Variants in SMC2 observed in about 807,000 individuals in gnomAD.
SMC2 encodes structural maintenance of chromosomes 2, also known as structural maintenance of chromosomes protein 2.
A neutral mutation model predicts 142.6 loss-of-function variants in SMC2; 41 were observed. That is an observed-to-expected ratio of 0.29 (90% CI 0.22 to 0.37). SMC2 has a LOEUF of 0.37. SMC2 is among the 10% of genes least tolerant of loss of function. The pLI is 1.00. For synonymous variants in SMC2, 463 were observed against 457.5 expected, an observed-to-expected ratio of 1.01 and a Z score of -0.15; for missense variants, 1,265 against 1,373.7, an observed-to-expected ratio of 0.92 and a Z score of 1.25.
chr9:104,105,738 G>C (rs909530708), intron 9 of SMC2, among the ~76,000 whole-genome samples: 4 of 152,116 alleles, frequency 2.6e-5, no homozygotes, highest in African/African-American at 9.7e-5. Context: ...GGGTCTGTTG[G>C]TGTACACTGT....
chr9:104,132,282 T>C (rs1381515790), intron 22 of SMC2, among the ~76,000 whole-genome samples, 157 bp downstream of exon 22: 1 of 152,176 alleles, frequency 6.6e-6, no homozygotes, highest in Non-Finnish European at 1.5e-5. Flanking sequence ...TGCATTTTTT[T>C]CTTTTTGAAC....
At chr9:104,117,398 T>G (rs1331993544) in intron 14 of SMC2, among the ~76,000 whole-genome samples, 1 of 152,198 alleles carries the variant, frequency 6.6e-6, no homozygotes, top group Non-Finnish European at 1.5e-5. Flanking sequence ...GATACTAAGC[T>G]CTAAAAGAGA....
chr9:104,125,165 G>T (rs549625475), intron 18 of SMC2, 60 bp downstream of exon 18: 2 of 1,219,258 alleles, frequency 1.6e-6, no homozygotes, highest in South Asian at 1.6e-5. Flanking sequence ...GCTGAAGGTG[G>T]TAGAGCATCA....
At chr9:104,127,905 TTA>T (rs1341859924) in intron 20 of SMC2, among the ~76,000 whole-genome samples, 1 of 152,220 alleles carries the variant, frequency 6.6e-6, no homozygotes, top group African/African-American at 2.4e-5. Context: ...CCACATGTCT[TTA>T]TGAGTGTTAC....
intron 16 of SMC2, among the ~76,000 whole-genome samples, chr9:104,121,357 G>A (rs1287787510): frequency 3.9e-5 from 6 of 152,050 alleles, no homozygotes; most frequent in East Asian, 1.9e-4. Context: ...TTAGTCAGGC[G>A]TGGTGGCATG....
At chr9:104,108,466 G>A (rs1366700935) in intron 9 of SMC2, among the ~76,000 whole-genome samples, 2 of 152,180 alleles carry the variant, frequency 1.3e-5, no homozygotes, top group African/African-American at 4.8e-5. Context: ...GGTCTGCATT[G>A]TATGTGTTGG....
At chr9:104,137,520 C>T (rs1698865541) in intron 23 of SMC2, among the ~76,000 whole-genome samples, 1 of 151,794 alleles carries the variant, frequency 6.6e-6, no homozygotes, top group Non-Finnish European at 1.5e-5. Context: ...ACAAATGGTA[C>T]CAAAAAATAT....
chr9:104,101,836 TG>T lies in SMC2; in HGVS notation c.637-123del, dbSNP rs1831163860. 20 of 587,644 alleles carry T rather than the reference TG, an allele frequency of 3.4e-5. No homozygotes were observed. In the South Asian group the frequency reaches 4.6e-4, roughly 13 times the overall value. 36.4% of individuals were successfully genotyped at this position (587,644 alleles called of 1,614,324 possible). A position where few individuals can be genotyped will look rare whatever the true frequency, so the allele number is the denominator to read the frequency against. ...ACGTAAAGTTTCCTACAATTTAAAA[TG>T]CTATAATTGTTTAATACAGGACAAA... On this transcript the variant is annotated intron_variant, in intron 7 of 24. Transcript: ENST00000374793.
At position 104,123,084 on chromosome 9, in the gene SMC2, C is replaced by A. The variant is rs567215776; in HGVS notation, c.2133-24C>A. 5.7e-6 allele frequency: 9 copies of A among 1,587,638 alleles called. No homozygotes were observed. The African/African-American group carries it at 8.2e-5, about 14-fold the overall frequency. On this transcript the variant is annotated intron_variant, in intron 16 of 24. Coordinates refer to ENST00000374793, the MANE Select transcript of SMC2 (RefSeq NM_006444.3). ...AATACCAGAAAAATGACAGTCATTT[C>A]TTACATGTTTCTGTTTTTGTAAGGT...
chr9:104,117,015 A>G lies in SMC2; in HGVS notation c.1791+696A>G, dbSNP rs540719709. On this transcript the variant is annotated intron_variant, in intron 14 of 24. Coordinates refer to ENST00000374793, the MANE Select transcript of SMC2 (RefSeq NM_006444.3). ...ACATTTCTATGAAACTTAAAAATAT[A>G]CTTGTAACTAAGTGGATGTTGTTGT... Among the ~76,000 whole-genome samples the G allele has an allele frequency of 4.4e-4, 67 of 152,312 alleles. 3 individuals carry two copies. In the South Asian group the frequency reaches 0.012, roughly 27 times the overall value.
upstream of SMC2, among the ~76,000 whole-genome samples, chr9:104,090,332 G>A (rs1829968646): frequency 6.6e-6 from 1 of 152,156 alleles, no homozygotes; most frequent in African/African-American, 2.4e-5. Context: ...TCAGGAGCCA[G>A]TAGTTGAGTT....
rs571863059 is a variant in SMC2 at position 104,113,807 on chromosome 9, A to G, written c.1415-157A>G. On this transcript the variant is annotated intron_variant, in intron 11 of 24. Coordinates refer to ENST00000374793, the MANE Select transcript of SMC2 (RefSeq NM_006444.3). ...CCGTTGGAAATAATGTCTGTTTGAC[A>G]GTGGATAGAAATAGGAAGGTTCAGC... Among the ~76,000 whole-genome samples, 31 of 152,306 alleles carry G rather than the reference A, an allele frequency of 2.0e-4. No individual in the cohort carries two copies. The East Asian group carries it at 5.2e-3, about 26-fold the overall frequency.
chr9:104,110,486 G>A (rs1832304232), intron 9 of SMC2, among the ~76,000 whole-genome samples: 1 of 152,138 alleles, frequency 6.6e-6, no homozygotes, highest in Non-Finnish European at 1.5e-5. Flanking sequence ...TATTGGTAAG[G>A]CTTTGGTTAA....
chr9:104,102,233 A>T (rs763030686), intron 8 of SMC2, 40 bp downstream of exon 8: 1 of 1,245,026 alleles, frequency 8.0e-7, no homozygotes, highest in South Asian at 1.4e-5. Flanking sequence ...ATACTCTGTG[A>T]AAAACGTACT....
chr9:104,102,329 C>A, intron 8 of SMC2, 95 bp from the exon 9 acceptor site: 1 of 1,231,390 alleles, frequency 8.1e-7, no homozygotes, highest in Non-Finnish European at 1.1e-6. Flanking sequence ...AATGAAATAA[C>A]TTATAAAAAA....
intron 16 of SMC2, among the ~76,000 whole-genome samples, chr9:104,122,515 C>G (rs568434265): frequency 4.0e-5 from 6 of 150,248 alleles, no homozygotes; most frequent in African/African-American, 1.5e-4. Flanking sequence ...TGACAAGGTA[C>G]TTTGTGAATT....
chr9:104,131,795 AAG>A (rs1304685396), intron 21 of SMC2, among the ~76,000 whole-genome samples: 1 of 151,842 alleles, frequency 6.6e-6, no homozygotes, highest in Non-Finnish European at 1.5e-5. Context: ...TAATTTTGTT[AAG>A]AGTGTGTATA....
chr9:104,115,848 C>T (rs541818872), intron 13 of SMC2, among the ~76,000 whole-genome samples: 2 of 152,244 alleles, frequency 1.3e-5, no homozygotes, highest in Middle Eastern at 3.4e-3. Context: ...CTATGACCTA[C>T]TTCTACCCAT....
intron 10 of SMC2, among the ~76,000 whole-genome samples, chr9:104,112,255 C>G (rs944321681): frequency 2.6e-5 from 4 of 152,154 alleles, no homozygotes; most frequent in African/African-American, 9.7e-5. Context: ...GTTTCTCAAA[C>G]TTTACATTTT....
Sources: allele counts gnomAD v4.1 joint callset (sites outside exome capture counted in the v4.1 genomes callset), GRCh38; gene constraint gnomAD v4.1.1; transcripts MANE v1.5; gene names NCBI Gene and HGNC (gene_info 2026-07-23, HGNC 2026-07-21).